Variants in LSAMP observed in about 807,000 individuals in gnomAD.
LSAMP encodes the protein limbic system-associated membrane protein.
Under a neutral mutation model 38.6 loss-of-function variants are expected in LSAMP, and 7 were observed. The ratio of observed to expected loss-of-function variants is 0.18; its 90% CI spans 0.10 to 0.34. The LOEUF is 0.34. LSAMP is among the 10% of genes least tolerant of loss of function. The pLI, the probability that LSAMP is intolerant of heterozygous loss-of-function variation, is 1.00. For missense variants in LSAMP, 313 were observed against 420.0 expected, an observed-to-expected ratio of 0.75 and a Z score of 2.23; for synonymous variants, 154 against 166.8, an observed-to-expected ratio of 0.92 and a Z score of 0.59.
chr3:116,193,026 C>G (rs990587934), intron 1 of LSAMP, among the ~76,000 whole-genome samples: 4 of 152,138 alleles, frequency 2.6e-5, no homozygotes, highest in Non-Finnish European at 5.9e-5. Context: ...GAATAGTTTC[C>G]TGTACAATTA....
intron 1 of LSAMP, among the ~76,000 whole-genome samples, chr3:116,302,368 G>T (rs1356970915): frequency 6.6e-6 from 1 of 152,030 alleles, no homozygotes; most frequent in Non-Finnish European, 1.5e-5. Context: ...CTAGTTCTCA[G>T]CCTTCATCTT....
At chr3:115,979,368 G>C (rs1205576176) in intron 3 of LSAMP, among the ~76,000 whole-genome samples, 1 of 152,016 alleles carries the variant, frequency 6.6e-6, no homozygotes, top group African/African-American at 2.4e-5. Context: ...GACGTGAGAA[G>C]AACAACAATA....
rs1394306920 is a variant in LSAMP at position 116,116,148 on chromosome 3, A to G, written c.156-29592T>C. On this transcript the variant is annotated intron_variant, in intron 1 of 6. Coordinates refer to ENST00000490035, the MANE Select transcript of LSAMP (RefSeq NM_002338.5). ...TTCTTTTGGCTCCATTTCGTGAGACATTTTCTCAGCTTTTATATCATTATG... is the reference window on the plus strand; with the variant it reads ...TTCTTTTGGCTCCATTTCGTGAGACGTTTTCTCAGCTTTTATATCATTATG... Among the ~76,000 whole-genome samples, 31 of 142,076 alleles carry G rather than the reference A, an allele frequency of 2.2e-4. No homozygotes were observed. In the East Asian group the frequency reaches 5.9e-3, roughly 27 times the overall value. 93.2% of individuals were successfully genotyped at this position (142,076 alleles called of 152,430 possible).
intron 1 of LSAMP, among the ~76,000 whole-genome samples, chr3:116,155,048 AT>A (rs1163850193): frequency 6.7e-6 from 1 of 149,978 alleles, no homozygotes; most frequent in African/African-American, 2.5e-5. Context: ...TTTGTCTTTT[AT>A]TTTTTTTATG....
chr3:116,429,220 C>T (rs2049245221), intron 1 of LSAMP, among the ~76,000 whole-genome samples: 1 of 152,192 alleles, frequency 6.6e-6, no homozygotes, highest in African/African-American at 2.4e-5. Flanking sequence ...CTGATAATTG[C>T]TGTTTAAAAG....
chr3:116,412,783 A>C (rs1450393411), intron 1 of LSAMP, among the ~76,000 whole-genome samples: 1 of 152,138 alleles, frequency 6.6e-6, no homozygotes, highest in East Asian at 1.9e-4. Flanking sequence ...CTAAACATCA[A>C]AAAGAAAATT....
At chr3:116,007,043 T>C (rs539816358) in intron 3 of LSAMP, among the ~76,000 whole-genome samples, 5 of 152,302 alleles carry the variant, frequency 3.3e-5, no homozygotes, top group Admixed American at 2.0e-4. Flanking sequence ...TTTTTGTTAC[T>C]AGAATACCTT....
At chr3:116,004,083 T>C (rs1486441032) in intron 3 of LSAMP, among the ~76,000 whole-genome samples, 1 of 152,198 alleles carries the variant, frequency 6.6e-6, no homozygotes, top group Admixed American at 6.5e-5. Flanking sequence ...TACATTTTTG[T>C]AGTTTAGTTT....
At chr3:116,407,173 T>C (rs2048908111) in intron 1 of LSAMP, among the ~76,000 whole-genome samples, 1 of 152,104 alleles carries the variant, frequency 6.6e-6, no homozygotes, top group African/African-American at 2.4e-5. Context: ...TCCATTTATG[T>C]ATCCTTCTCT....
chr3:115,877,271 C>T (rs928530948), intron 3 of LSAMP, among the ~76,000 whole-genome samples: 9 of 151,612 alleles, frequency 5.9e-5, no homozygotes, highest in African/African-American at 2.2e-4. Flanking sequence ...TTTTCTCCTT[C>T]CTGCCTCCTT....
chr3:116,214,548 G>T (rs892041920), intron 1 of LSAMP, among the ~76,000 whole-genome samples: 3 of 144,108 alleles, frequency 2.1e-5, no homozygotes, highest in Admixed American at 7.3e-5. Flanking sequence ...CTGTCACCCA[G>T]GCTGGAGAGC....
At chr3:116,440,940 G>T (rs1012301765) in intron 1 of LSAMP, among the ~76,000 whole-genome samples, 6 of 152,186 alleles carry the variant, frequency 3.9e-5, no homozygotes, top group African/African-American at 1.4e-4. Flanking sequence ...CACTTCATTA[G>T]TGAATATTGC....
intron 2 of LSAMP, among the ~76,000 whole-genome samples, chr3:116,044,297 G>A (rs769561215): frequency 6.6e-6 from 1 of 152,100 alleles, no homozygotes; most frequent in African/African-American, 2.4e-5. Flanking sequence ...ATTTCACCTC[G>A]CCTTATTAAC....
chr3:116,384,798 T>C (rs1045236837), intron 1 of LSAMP, among the ~76,000 whole-genome samples: 3 of 152,168 alleles, frequency 2.0e-5, no homozygotes, highest in African/African-American at 7.2e-5. Context: ...CATATTTTAA[T>C]AGGTACAATT....
chr3:116,083,274 A>G (rs893798466), intron 2 of LSAMP, among the ~76,000 whole-genome samples: 1 of 152,234 alleles, frequency 6.6e-6, no homozygotes, highest in African/African-American at 2.4e-5. Flanking sequence ...CATCAACAGC[A>G]TTGTTATCAA....
chr3:116,218,971 A>G (rs1276866879), intron 1 of LSAMP, among the ~76,000 whole-genome samples: 3 of 152,244 alleles, frequency 2.0e-5, no homozygotes, highest in African/African-American at 4.8e-5. Context: ...AACACTTAAC[A>G]TGAGATCCAT....
rs1019248977 is a variant in LSAMP, at chr3:116,126,465, C to A, written c.156-39909G>T. Among the ~76,000 whole-genome samples the A allele has an allele frequency of 8.9e-4, 135 of 152,146 alleles. 1 individual carries two copies. The highest frequency in any genetic ancestry group is 8.8e-3 in the Admixed American group (134 of 15,278). On this transcript the variant is annotated intron_variant, in intron 1 of 6. Coordinates refer to ENST00000490035, the MANE Select transcript of LSAMP (RefSeq NM_002338.5). ...ATAGAAAAATTTACCATGAATTATACCCCTCATTTTTGTTTTTTGAGCACC... is the reference window on the plus strand; with the variant it reads ...ATAGAAAAATTTACCATGAATTATAACCCTCATTTTTGTTTTTTGAGCACC...
intron 3 of LSAMP, among the ~76,000 whole-genome samples, chr3:115,877,942 A>G (rs16824224): frequency 0.16 from 22,851 of 145,648 alleles, 2,106 homozygotes; most frequent in African/African-American, 0.27. Context: ...CGTAGCAATA[A>G]GCACAGTAAC....
chr3:116,114,112 C>T (rs1708689820), intron 1 of LSAMP, among the ~76,000 whole-genome samples: 1 of 152,286 alleles, frequency 6.6e-6, no homozygotes, highest in Non-Finnish European at 1.5e-5. Flanking sequence ...ACCAAAGGAC[C>T]CCAGCGTCCT....
Sources: gnomAD v4.1 joint callset for allele counts (sites outside exome capture counted in the v4.1 genomes callset) on GRCh38, gnomAD v4.1.1 for gene constraint, MANE v1.5 for transcripts, NCBI Gene and HGNC (gene_info 2026-07-23, HGNC 2026-07-21) for gene names.